The following MTUS2 variants were observed in gnomAD, a reference collection of about 807,000 sequenced individuals.
MTUS2 encodes the protein microtubule associated scaffold protein 2, also known as microtubule-associated tumor suppressor candidate 2.
In MTUS2, 40 loss-of-function variants were observed where a neutral mutation model predicts 114.1. The observed-to-expected ratio is 0.35, with a 90% CI of 0.27 to 0.46. The LOEUF (loss-of-function observed/expected upper bound fraction) is 0.46. Among genes scored for constraint, MTUS2 ranks in the 20% least tolerant of loss-of-function variants. MTUS2 has a pLI of 1.00. For missense variants in MTUS2, 1,679 were observed against 1,705.4 expected, an observed-to-expected ratio of 0.98 and a Z score of 0.27; for synonymous variants, 688 against 672.0, an observed-to-expected ratio of 1.02 and a Z score of -0.37.
At chr13:29,041,832 C>T (rs1240500859) in intron 4 of MTUS2, among the ~76,000 whole-genome samples, 1 of 152,134 alleles carries the variant, frequency 6.6e-6, no homozygotes, top group Non-Finnish European at 1.5e-5. Context: ...TGAAACATTG[C>T]TGAATTCATT....
At chr13:28,909,005 T>C (rs1318393652) in intron 2 of MTUS2, among the ~76,000 whole-genome samples, 6 of 151,612 alleles carry the variant, frequency 4.0e-5, no homozygotes, top group Non-Finnish European at 8.8e-5. Flanking sequence ...GTTATAGATA[T>C]GCGGCATTGT....
At chr13:29,092,561 C>A (rs973321409) in intron 4 of MTUS2, among the ~76,000 whole-genome samples, 7 of 152,170 alleles carry the variant, frequency 4.6e-5, no homozygotes, top group African/African-American at 1.7e-4. Context: ...GGGACAAGAA[C>A]TTCGGAACCT....
chr13:29,348,968 A>C (rs769683698), intron 7 of MTUS2, among the ~76,000 whole-genome samples: 2 of 152,118 alleles, frequency 1.3e-5, no homozygotes, highest in Admixed American at 6.5e-5. Context: ...GGCCTCATGT[A>C]ATTAGATCTT....
chr13:29,429,438 A>G (rs2138633217), intron 8 of MTUS2, among the ~76,000 whole-genome samples: 1 of 152,390 alleles, frequency 6.6e-6, no homozygotes, highest in Non-Finnish European at 1.5e-5. Flanking sequence ...GAATAAACAT[A>G]GAAGTGAAAA....
intron 8 of MTUS2, among the ~76,000 whole-genome samples, chr13:29,367,304 G>C (rs1484578338): frequency 6.6e-6 from 1 of 152,148 alleles, no homozygotes; most frequent in Non-Finnish European, 1.5e-5. Flanking sequence ...GCAGAGAGCG[G>C]TGCAGTGTGG....
intron 5 of MTUS2, among the ~76,000 whole-genome samples, chr13:29,273,539 A>G (rs540716636): frequency 2.6e-5 from 4 of 152,080 alleles, no homozygotes; most frequent in Non-Finnish European, 5.9e-5. Context: ...ATCTTTTGAG[A>G]TTTTTCTTAA....
chr13:29,183,919 C>T (rs1355089709), intron 5 of MTUS2, among the ~76,000 whole-genome samples: 1 of 152,118 alleles, frequency 6.6e-6, no homozygotes, highest in Non-Finnish European at 1.5e-5. Context: ...ACTACTCTTT[C>T]TTCCCCCGTA....
intron 5 of MTUS2, among the ~76,000 whole-genome samples, chr13:29,224,380 T>C (rs1338584651): frequency 2.0e-5 from 3 of 152,198 alleles, no homozygotes; most frequent in Non-Finnish European, 4.4e-5. Flanking sequence ...GCTTTATTTA[T>C]TTTCCATGTT....
intron 10 of MTUS2, among the ~76,000 whole-genome samples, chr13:29,486,641 A>G (rs937491456): frequency 3.3e-5 from 5 of 152,252 alleles, no homozygotes; most frequent in African/African-American, 1.2e-4. Flanking sequence ...TTAGCTTGTG[A>G]AATAAATGTA....
intron 8 of MTUS2, among the ~76,000 whole-genome samples, chr13:29,362,016 C>T (rs934301843): frequency 6.6e-6 from 1 of 152,202 alleles, no homozygotes; most frequent in African/African-American, 2.4e-5. Context: ...GTCATCATCA[C>T]TGTAGGAATA....
At chr13:29,032,774 C>A (rs529354175) in intron 3 of MTUS2, among the ~76,000 whole-genome samples, 1 of 152,054 alleles carries the variant, frequency 6.6e-6, no homozygotes, top group Non-Finnish European at 1.5e-5. Flanking sequence ...TTTTATAGCC[C>A]CCATTAAAGA....
intron 5 of MTUS2, among the ~76,000 whole-genome samples, chr13:29,121,936 A>G (rs1029925555): frequency 1.3e-5 from 2 of 152,136 alleles, no homozygotes; most frequent in Non-Finnish European, 2.9e-5. Context: ...CTGGGAGTAC[A>G]GGTGTGAGCC....
intron 6 of MTUS2, among the ~76,000 whole-genome samples, chr13:29,282,760 A>G (rs1898325973): frequency 2.0e-5 from 3 of 152,218 alleles, no homozygotes; most frequent in East Asian, 1.9e-4. Flanking sequence ...GTATATATAT[A>G]TGTAAACATA....
At chr13:29,271,511 C>T (rs1185510329) in intron 5 of MTUS2, among the ~76,000 whole-genome samples, 1 of 152,168 alleles carries the variant, frequency 6.6e-6, no homozygotes, top group Admixed American at 6.6e-5. Context: ...TGGAGTGTCT[C>T]TGTTAGTACC....
At chr13:29,487,592 T>A in intron 10 of MTUS2, 1 of 386,488 alleles carries the variant, frequency 2.6e-6, no homozygotes, top group South Asian at 3.0e-5. Context: ...CTCATAGCGG[T>A]GCAAGCGCGT....
intron 2 of MTUS2, among the ~76,000 whole-genome samples, chr13:28,990,964 A>G (rs149004688): frequency 6.9e-4 from 103 of 150,214 alleles, no homozygotes; most frequent in East Asian, 6.6e-3. Flanking sequence ...ACTCACCACG[A>G]GGTCTGCGGC....
intron 2 of MTUS2, among the ~76,000 whole-genome samples, chr13:29,015,215 A>G (rs1352114691): frequency 6.6e-6 from 1 of 152,244 alleles, no homozygotes; most frequent in African/African-American, 2.4e-5. Context: ...TACAGTAAAA[A>G]TGGTGATAAC....
At chr13:29,479,518 G>T (rs536689643) in intron 9 of MTUS2, among the ~76,000 whole-genome samples, 29 of 152,276 alleles carry the variant, frequency 1.9e-4, no homozygotes, top group African/African-American at 7.0e-4. Context: ...GATTAGGGGT[G>T]GAGTGTCTAT....
At chr13:29,282,762 G>A (rs1308693554) in intron 6 of MTUS2, among the ~76,000 whole-genome samples, 2 of 152,002 alleles carry the variant, frequency 1.3e-5, no homozygotes, top group Non-Finnish European at 2.9e-5. Flanking sequence ...ATATATATAT[G>A]TAAACATACG....
Sources: gnomAD v4.1 joint callset for allele counts (sites outside exome capture counted in the v4.1 genomes callset) on GRCh38, gnomAD v4.1.1 for gene constraint, MANE v1.5 for transcripts, NCBI Gene and HGNC (gene_info 2026-07-23, HGNC 2026-07-21) for gene names.